LHX4: variants seen among roughly 807,000 people sequenced by gnomAD.
LHX4 encodes the protein LIM homeobox 4.
LHX4 carries 16 observed loss-of-function variants against 39.2 expected under a neutral mutation model. That is an observed-to-expected ratio of 0.41 (90% CI 0.28 to 0.62). LHX4 has a LOEUF of 0.62. Among genes scored for constraint, LHX4 ranks in the 20% least tolerant of loss-of-function variants. LHX4 has a pLI of 0.33. For synonymous variants in LHX4, 206 were observed against 198.1 expected (o/e 1.04, Z -0.33); for missense variants, 439 against 511.9 (o/e 0.86, Z 1.37).
In LHX4 at chr1:180,232,738, G is replaced by C. The variant is rs1456160061; in HGVS notation, c.76+2133G>C. ...CAGCACATCTGGCCTCTGGCTGTTAGGCTGTTGGTGCTGGGACCGCGGGAT... is the reference window on the plus strand; with the variant it reads ...CAGCACATCTGGCCTCTGGCTGTTACGCTGTTGGTGCTGGGACCGCGGGAT... On this transcript the variant is annotated intron_variant, in intron 1 of 5. Transcript: ENST00000263726. This position sits in a 1 kb window ranked among gnomAD's most constrained non-coding sequence, Gnocchi z 5.4. Among the ~76,000 whole-genome samples the C allele has an allele frequency of 6.6e-6, 1 of 152,222 alleles. No homozygotes were observed. The highest frequency in any genetic ancestry group is 2.4e-5 in the African/African-American group (1 of 41,454).
chr1:180,269,227 A>G (rs1264261370), intron 3 of LHX4, among the ~76,000 whole-genome samples: 2 of 152,088 alleles, frequency 1.3e-5, no homozygotes, highest in Admixed American at 1.3e-4. Context: ...TTATTTTCTC[A>G]GCATTATCTT....
At chr1:180,259,789 G>A (rs185270016) in intron 2 of LHX4, among the ~76,000 whole-genome samples, 9 of 151,780 alleles carry the variant, frequency 5.9e-5, no homozygotes, top group South Asian at 2.1e-4. Flanking sequence ...GGAGGGAAGC[G>A]AGGGACAGTG....
At chr1:180,249,851 A>G (rs1242233271) in intron 2 of LHX4, among the ~76,000 whole-genome samples, 1 of 151,012 alleles carries the variant, frequency 6.6e-6, no homozygotes, top group Admixed American at 6.6e-5. Flanking sequence ...CTTTGCTCAG[A>G]TATGTGCTGC....
rs894894178 is a variant in LHX4 at position 180,232,777 on chromosome 1, C to G, written c.76+2172C>G. On this transcript the variant is annotated intron_variant, in intron 1 of 5. Transcript: ENST00000263726. The surrounding 1 kb of genome is among the most constrained non-coding windows in gnomAD (Gnocchi z 5.4). Reference sequence around the variant, plus strand: ...GGACCGCGGGATAGGTCCCCATCACCCACATATACACAACTATTAGTTTTC... The same window carrying G: ...GGACCGCGGGATAGGTCCCCATCACGCACATATACACAACTATTAGTTTTC... 6.6e-6 allele frequency among the ~76,000 whole-genome samples: 1 copy of G among 152,208 alleles called. No homozygotes were observed. Among genetic ancestry groups the G allele is most frequent in the Non-Finnish European group, 1.5e-5 (1 of 68,040 alleles).
intron 2 of LHX4, among the ~76,000 whole-genome samples, chr1:180,255,048 A>G (rs551663149): frequency 3.7e-4 from 56 of 152,116 alleles, no homozygotes; most frequent in Non-Finnish European, 7.6e-4. Context: ...TCCTCATGGG[A>G]TGCTCTCCCT....
rs769750482 is a variant in LHX4, at chr1:180,274,235, G to A, written c.829G>A (p.Val277Met). ...CCACACCAATAGGATTTATGGCAAC[G>A]TGGGGGACGTTACAGGCGGACAGTT... ...LGHTNRIYGN[V>M]GDVTGGQLMN... The change falls in exon 6 of 6, where the codon GTG becomes ATG. Residue 277 changes from valine (V) to methionine (M), a missense_variant. By Grantham distance (21) the Val-to-Met change is conservative (BLOSUM62 1). Transcript: ENST00000263726. 21 of 1,614,128 alleles carry A rather than the reference G, an allele frequency of 1.3e-5. No individual in the cohort carries two copies. Among genetic ancestry groups the A allele is most frequent in the African/African-American group, 8.0e-5 (6 of 74,930 alleles).
In LHX4 at chr1:180,277,849, C is replaced by A. The variant is rs1194359222; in HGVS notation, c.*3270C>A. ...AGGAAAAAATTAAGCCACAAGAAAA[C>A]CATTTGGCAGTGTCCTTAAACTTTT... is the stretch of plus-strand genomic sequence containing the variant. On this transcript the variant is annotated 3_prime_UTR_variant, in exon 6 of 6. Transcript: ENST00000263726. 1 of 145,006 alleles carries A rather than the reference C, an allele frequency of 6.9e-6. No individual in the cohort carries two copies. Among genetic ancestry groups the A allele is most frequent in the African/African-American group, 2.5e-5 (1 of 39,534 alleles). 9.0% of individuals were successfully genotyped at this position (145,006 alleles called of 1,614,324 possible). A position where few individuals can be genotyped will look rare whatever the true frequency, so the allele number is the denominator to read the frequency against.
chr1:180,263,955 C>T (rs979993191), intron 2 of LHX4, among the ~76,000 whole-genome samples: 10 of 152,032 alleles, frequency 6.6e-5, no homozygotes, highest in Admixed American at 2.0e-4. Flanking sequence ...TGATGAAAGC[C>T]TTGTTTCATT....
At chr1:180,271,647 GGCTTTT>G in intron 4 of LHX4, 113 bp downstream of exon 4, 1 of 1,437,440 alleles carries the variant, frequency 7.0e-7, no homozygotes. Context: ...TTGACCCCAG[GGCTTTT>G]GCCAGAACTG....
intron 1 of LHX4, among the ~76,000 whole-genome samples, chr1:180,239,261 C>A (rs1664396636): frequency 6.6e-6 from 1 of 152,196 alleles, no homozygotes. Context: ...ATTTCCCAAG[C>A]CTGCCTTTAG....
upstream of LHX4, among the ~76,000 whole-genome samples, chr1:180,230,056 C>T (rs1348237651): frequency 1.3e-5 from 2 of 151,154 alleles, no homozygotes; most frequent in East Asian, 2.0e-4. This position sits in a 1 kb window ranked among gnomAD's most constrained non-coding sequence, Gnocchi z 5.8. Flanking sequence ...GCGCCGGGAC[C>T]CCCACTCCCT....
chr1:180,252,233 G>A (rs1051649391), intron 2 of LHX4, among the ~76,000 whole-genome samples: 1 of 152,202 alleles, frequency 6.6e-6, no homozygotes, highest in Non-Finnish European at 1.5e-5. Context: ...TGGAGGTGCA[G>A]TAAGGACAGA....
Position 180,243,403 on chromosome 1 carries a change from C to T in LHX4, c.77-4882C>T, listed in dbSNP as rs1377732341. Among the ~76,000 whole-genome samples the T allele has an allele frequency of 2.0e-5, 3 of 152,118 alleles. No homozygotes were observed. The South Asian group carries it at 6.2e-4, about 31-fold the overall frequency. ...AGGAGATCCGGTTCATGCACCAGAA[C>T]TTTATTCCTGGTAGGAAACCTAGAT... On this transcript the variant is annotated intron_variant, in intron 1 of 5. Transcript: ENST00000263726.
intron 1 of LHX4, among the ~76,000 whole-genome samples, chr1:180,233,550 A>G (rs1664229108): frequency 6.6e-6 from 1 of 152,236 alleles, no homozygotes; most frequent in Admixed American, 6.5e-5. Context: ...GGACCTCAGC[A>G]GTCCCTCCAC....
chr1:180,237,120 AT>A (rs1336963150), intron 1 of LHX4, among the ~76,000 whole-genome samples: 1 of 147,908 alleles, frequency 6.8e-6, no homozygotes, highest in Non-Finnish European at 1.5e-5. Context: ...TGTTCCCCCA[AT>A]TTCTTCTGTC....
chr1:180,277,032 A>G lies in LHX4; in HGVS notation c.*2453A>G, dbSNP rs1649079309. ...AGGTCAATAGTTCTTTGGCATCAGT[A>G]GGGCTGGTTAGCTGGAAAAACCCTT... On this transcript the variant is annotated 3_prime_UTR_variant, in exon 6 of 6. Coordinates refer to ENST00000263726, the MANE Select transcript of LHX4 (RefSeq NM_033343.4). The G allele has an allele frequency of 1.3e-5, 2 of 152,156 alleles. No homozygotes were observed. Among genetic ancestry groups the G allele is most frequent in the South Asian group, 4.1e-4 (2 of 4,836 alleles). The allele number at this position is 152,156 out of a possible 1,614,324, so 9.4% of individuals were successfully genotyped here. A position where few individuals can be genotyped will look rare whatever the true frequency, so the allele number is the denominator to read the frequency against.
At chr1:180,260,331 C>T (rs1648063163) in intron 2 of LHX4, among the ~76,000 whole-genome samples, 1 of 151,762 alleles carries the variant, frequency 6.6e-6, no homozygotes, top group African/African-American at 2.4e-5. Flanking sequence ...GCCAGACAGC[C>T]AGGGTGTAGG....
chr1:180,253,959 T>A (rs1361881685), intron 2 of LHX4, among the ~76,000 whole-genome samples: 1 of 152,118 alleles, frequency 6.6e-6, no homozygotes, highest in Admixed American at 6.5e-5. Flanking sequence ...AAACCTGCCA[T>A]GTGGATCTCT....
At chr1:180,230,054 A>T (rs1035385656), upstream of LHX4, among the ~76,000 whole-genome samples, 5 of 143,978 alleles carry the variant, frequency 3.5e-5, no homozygotes, top group Non-Finnish European at 7.5e-5. This position sits in a 1 kb window ranked among gnomAD's most constrained non-coding sequence, Gnocchi z 5.8. Flanking sequence ...GGGCGCCGGG[A>T]CCCCCACTCC....
Sources: gnomAD v4.1 joint callset for allele counts (sites outside exome capture counted in the v4.1 genomes callset) on GRCh38, gnomAD v4.1.1 for gene constraint, Gnocchi (gnomAD v3.1) non-coding constraint, MANE v1.5 for transcripts, NCBI Gene and HGNC (gene_info 2026-07-23, HGNC 2026-07-21) for gene names.